Variants in BRAF observed in about 807,000 individuals in gnomAD.
BRAF encodes the protein serine/threonine-protein kinase B-raf.
BRAF carries 16 observed loss-of-function variants against 104.6 expected under a neutral mutation model. That is an observed-to-expected ratio of 0.15 (90% confidence interval 0.10 to 0.23). The LOEUF is 0.23. Ranked by LOEUF, BRAF falls within the 10% of genes least tolerant of loss-of-function variation. BRAF has a pLI of 1.00. For missense variants in BRAF, 541 were observed against 937.3 expected (o/e 0.58, Z 5.52); for synonymous variants, 310 against 341.6 (o/e 0.91, Z 1.02).
chr7:140,862,457 G>C (rs1449095626), intron 1 of BRAF, among the ~76,000 whole-genome samples: 2 of 152,132 alleles, frequency 1.3e-5, no homozygotes, highest in East Asian at 1.9e-4. Flanking sequence ...AATAAATAAA[G>C]ATTATGCTAA....
chr7:140,718,436 G>C (rs952094815), downstream of BRAF, among the ~76,000 whole-genome samples: 2 of 152,366 alleles, frequency 1.3e-5, no homozygotes, highest in Admixed American at 6.5e-5. Context: ...TTTTAGGAGA[G>C]AGGGGGTTTC....
At chr7:140,919,834 T>G (rs1818023273) in intron 1 of BRAF, among the ~76,000 whole-genome samples, 1 of 151,862 alleles carries the variant, frequency 6.6e-6, no homozygotes, top group African/African-American at 2.4e-5. Context: ...TTTTTTGTTT[T>G]TTTTTTGTTT....
intron 3 of BRAF, among the ~76,000 whole-genome samples, chr7:140,832,130 T>C (rs1466359791): frequency 1.3e-5 from 2 of 152,260 alleles, no homozygotes; most frequent in Non-Finnish European, 2.9e-5. Context: ...TTTACTATCA[T>C]TTCAATGAAA....
chr7:140,741,915 C>T (rs1796953392), intron 17 of BRAF, among the ~76,000 whole-genome samples: 1 of 151,842 alleles, frequency 6.6e-6, no homozygotes, highest in Admixed American at 6.6e-5. Flanking sequence ...CAAGATCATG[C>T]CACACTATAC....
chr7:140,761,146 G>C (rs1195931215), intron 14 of BRAF, among the ~76,000 whole-genome samples: 2 of 152,148 alleles, frequency 1.3e-5, no homozygotes, highest in Admixed American at 1.3e-4. Flanking sequence ...CAGAAAGGTC[G>C]GGTTACCCAC....
Position 140,759,543 on chromosome 7 carries a change from C to T in BRAF, c.1815-5310G>A, listed in dbSNP as rs189909779. ...CTGGGATTACAGGCAAGTACCACCA[C>T]GTCCAGCTAATTTTGTATTTTTAGT... On this transcript the variant is annotated intron_variant, in intron 14 of 19. Coordinates refer to ENST00000644969, the MANE Select transcript of BRAF (RefSeq NM_001374258.1). 1.8e-4 allele frequency among the ~76,000 whole-genome samples: 28 copies of T among 152,356 alleles called. 1 individual carries two copies. The highest frequency in any genetic ancestry group is 8.3e-4 in the South Asian group (4 of 4,830).
At chr7:140,718,839 G>C (rs564103466), downstream of BRAF, among the ~76,000 whole-genome samples, 16 of 152,290 alleles carry the variant, frequency 1.1e-4, no homozygotes, top group South Asian at 1.7e-3. Flanking sequence ...AACTCACTGA[G>C]GTAACCAGCA....
intron 2 of BRAF, among the ~76,000 whole-genome samples, chr7:140,840,911 C>T (rs1295512816): frequency 1.3e-5 from 2 of 151,622 alleles, no homozygotes; most frequent in East Asian, 2.0e-4. Flanking sequence ...GACGGGGTTT[C>T]GCCATGTTGC....
At chr7:140,811,158 G>GT (rs1176031160) in intron 3 of BRAF, among the ~76,000 whole-genome samples, 2 of 152,184 alleles carry the variant, frequency 1.3e-5, no homozygotes, top group Non-Finnish European at 2.9e-5. Flanking sequence ...ACAAGGTTAC[G>GT]TATCGACTGA....
intron 1 of BRAF, among the ~76,000 whole-genome samples, chr7:140,873,748 T>C (rs1402539541): frequency 6.6e-6 from 1 of 152,146 alleles, no homozygotes; most frequent in Admixed American, 6.5e-5. Flanking sequence ...AGCCTCTGCA[T>C]GTTCATGCAC....
chr7:140,760,122 C>G (rs546705238), intron 14 of BRAF, among the ~76,000 whole-genome samples: 1 of 152,114 alleles, frequency 6.6e-6, no homozygotes, highest in Non-Finnish European at 1.5e-5. Context: ...TATTAAGACG[C>G]TGTTTCCTGG....
intron 19 of BRAF, among the ~76,000 whole-genome samples, chr7:140,727,177 A>C (rs978624366): frequency 3.4e-4 from 38 of 110,708 alleles, no homozygotes; most frequent in African/African-American, 1.4e-3. Flanking sequence ...TCATGCCATT[A>C]TTTTTTTCTT....
intron 1 of BRAF, among the ~76,000 whole-genome samples, chr7:140,901,638 G>T (rs10235900): frequency 0.41 from 62,378 of 152,030 alleles, 17,946 homozygotes; most frequent in African/African-American, 0.82. Flanking sequence ...ACTCAGTACA[G>T]GGTATGTACC....
At chr7:140,858,321 A>C (rs1338997546) in intron 1 of BRAF, among the ~76,000 whole-genome samples, 1 of 152,228 alleles carries the variant, frequency 6.6e-6, no homozygotes, top group Non-Finnish European at 1.5e-5. Context: ...CTTCATACTT[A>C]ACTTCTGGTT....
chr7:140,885,402 T>G (rs1212062274), intron 1 of BRAF, among the ~76,000 whole-genome samples: 2 of 152,160 alleles, frequency 1.3e-5, no homozygotes, highest in Non-Finnish European at 2.9e-5. Context: ...GTATTCAATT[T>G]GTTGGAATAT....
chr7:140,866,428 C>T (rs1810970476), intron 1 of BRAF, among the ~76,000 whole-genome samples: 1 of 152,178 alleles, frequency 6.6e-6, no homozygotes, highest in Admixed American at 6.5e-5. Context: ...GCATGACAGC[C>T]TGTTAGGACT....
Position 140,719,836 on chromosome 7 carries a change from A to C in BRAF, c.*6658T>G, listed in dbSNP as rs186722131. ...CTGGGCACGCCCCAGACTCCACGAG[A>C]ACCTTTTCAATGCTTGAGTGGAACT... On this transcript the variant is annotated 3_prime_UTR_variant, in exon 20 of 20. Coordinates refer to ENST00000644969, the MANE Select transcript of BRAF (RefSeq NM_001374258.1). The C allele has an allele frequency of 1.0e-3, 1,079 of 1,063,264 alleles. 2 individuals are homozygous for C. The highest frequency in any genetic ancestry group is 1.4e-3 in the Admixed American group (26 of 18,680). 65.9% of individuals were successfully genotyped at this position (1,063,264 alleles called of 1,614,324 possible).
At chr7:140,904,798 G>A (rs950812994) in intron 1 of BRAF, among the ~76,000 whole-genome samples, 3 of 152,026 alleles carry the variant, frequency 2.0e-5, no homozygotes, top group East Asian at 3.9e-4. Context: ...TAGTAGAGAC[G>A]GGGTTTCACC....
chr7:140,891,821 A>T (rs1171747621), intron 1 of BRAF, among the ~76,000 whole-genome samples: 1 of 152,256 alleles, frequency 6.6e-6, no homozygotes, highest in African/African-American at 2.4e-5. Context: ...AAAGGGCCAG[A>T]AACAACAGGA....
Sources: gnomAD v4.1 joint callset for allele counts (sites outside exome capture counted in the v4.1 genomes callset) on GRCh38, gnomAD v4.1.1 for gene constraint, MANE v1.5 for transcripts, NCBI Gene and HGNC (gene_info 2026-07-23, HGNC 2026-07-21) for gene names.